The following DAB1 variants were observed in gnomAD, a reference collection of about 807,000 sequenced individuals.
DAB1 encodes the protein disabled homolog 1.
A neutral mutation model predicts 64.6 loss-of-function variants in DAB1; 15 were observed. The ratio of observed to expected loss-of-function variants is 0.23; its 90% confidence interval spans 0.16 to 0.36. The LOEUF is 0.36. Ranked by LOEUF, DAB1 falls within the 10% of genes least tolerant of loss-of-function variation. The pLI is 1.00. For missense variants in DAB1, 596 were observed against 706.7 expected (o/e 0.84, Z 1.78); for synonymous variants, 235 against 251.9 (o/e 0.93, Z 0.64).
At chr1:58,360,631 A>G (rs546839450) in intron 3 of DAB1, among the ~76,000 whole-genome samples, 2 of 152,236 alleles carry the variant, frequency 1.3e-5, no homozygotes, top group Admixed American at 6.5e-5. Flanking sequence ...TTTGTGGAAG[A>G]GGAGTCACTC....
intron 5 of DAB1, among the ~76,000 whole-genome samples, chr1:57,991,864 A>AAAAC (rs200082065): frequency 0.015 from 2,267 of 149,950 alleles, 57 homozygotes; most frequent in Middle Eastern, 0.041. Flanking sequence ...AAAAAAAAAA[A>AAAAC]AAAAAGGAGT....
chr1:58,399,423 C>A (rs1477138303), intron 3 of DAB1, among the ~76,000 whole-genome samples: 2 of 152,206 alleles, frequency 1.3e-5, no homozygotes, highest in African/African-American at 4.8e-5. Context: ...AATTGGCTAT[C>A]AGAGTCAGAT....
chr1:57,006,696 T>A (rs575555409), intron 14 of DAB1, among the ~76,000 whole-genome samples: 1 of 152,228 alleles, frequency 6.6e-6, no homozygotes, highest in South Asian at 2.1e-4. Context: ...TCTGTGTCCA[T>A]AAAATAGGTC....
intron 1 of DAB1, among the ~76,000 whole-genome samples, chr1:57,388,169 A>C (rs1237497281): frequency 6.6e-6 from 1 of 152,178 alleles, no homozygotes; most frequent in Non-Finnish European, 1.5e-5. Context: ...CGCAAATGTG[A>C]TTATTTCTCC....
chr1:58,286,173 G>A (rs1661676396), intron 4 of DAB1, among the ~76,000 whole-genome samples: 1 of 152,138 alleles, frequency 6.6e-6, no homozygotes, highest in Non-Finnish European at 1.5e-5. Flanking sequence ...ACTTGAGATG[G>A]ATTAAATACT....
At chr1:57,933,452 T>G (rs1021034563) in intron 5 of DAB1, among the ~76,000 whole-genome samples, 2 of 152,248 alleles carry the variant, frequency 1.3e-5, no homozygotes, top group Non-Finnish European at 2.9e-5. Context: ...GTTTTACCTT[T>G]TCTAGAACTT....
intron 11 of DAB1, 97 bp from the exon 12 acceptor site, chr1:57,015,528 A>G: frequency 1.8e-6 from 2 of 1,126,928 alleles, no homozygotes; most frequent in Non-Finnish European, 2.5e-6. Flanking sequence ...ATCAAGCACC[A>G]ACTAAGTGCC....
chr1:58,420,308 C>T (rs1490846796), intron 3 of DAB1, among the ~76,000 whole-genome samples: 1 of 152,146 alleles, frequency 6.6e-6, no homozygotes, highest in Non-Finnish European at 1.5e-5. Flanking sequence ...ATTCACAACC[C>T]ACCTCACCAT....
intron 2 of DAB1, among the ~76,000 whole-genome samples, chr1:57,176,379 C>T (rs1460990374): frequency 6.6e-6 from 1 of 151,962 alleles, no homozygotes; most frequent in African/African-American, 2.4e-5. Context: ...TGCAGGGAAA[C>T]CCCCGTTTTT....
intron 3 of DAB1, among the ~76,000 whole-genome samples, chr1:58,376,003 G>A (rs1048194714): frequency 1.6e-4 from 24 of 150,564 alleles, no homozygotes; most frequent in African/African-American, 5.6e-4. Context: ...ATGGTAGTTT[G>A]TATTTCTGTG....
intron 4 of DAB1, among the ~76,000 whole-genome samples, chr1:57,087,458 G>A (rs1389085727): frequency 6.6e-6 from 1 of 152,222 alleles, no homozygotes; most frequent in Admixed American, 6.5e-5. Flanking sequence ...ACAGCAGTGG[G>A]TGCAAATGCC....
intron 3 of DAB1, among the ~76,000 whole-genome samples, chr1:58,460,903 G>A (rs2100311414): frequency 6.6e-6 from 1 of 152,314 alleles, no homozygotes; most frequent in East Asian, 1.9e-4. Flanking sequence ...GCCCCATGGT[G>A]CAGAGGAGCC....
chr1:57,648,418 G>A (rs1288882796), intron 7 of DAB1, among the ~76,000 whole-genome samples: 1 of 152,158 alleles, frequency 6.6e-6, no homozygotes, highest in Non-Finnish European at 1.5e-5. Context: ...AAAATTGACA[G>A]TTGAGGAATC....
At chr1:58,401,062 C>G (rs555519712) in intron 3 of DAB1, among the ~76,000 whole-genome samples, 2 of 152,300 alleles carry the variant, frequency 1.3e-5, no homozygotes, top group East Asian at 3.9e-4. Context: ...TATGCCCTGT[C>G]TGATCCTAAT....
chr1:58,507,542 A>C (rs1354717585), intron 2 of DAB1, among the ~76,000 whole-genome samples: 2 of 152,054 alleles, frequency 1.3e-5, no homozygotes, highest in African/African-American at 4.8e-5. Context: ...AAAAGAATTC[A>C]AGGTACTTTA....
At chr1:58,215,783 T>C (rs1014429501) in intron 4 of DAB1, among the ~76,000 whole-genome samples, 12 of 152,202 alleles carry the variant, frequency 7.9e-5, no homozygotes, top group African/African-American at 2.7e-4. Context: ...TGGTTAAAGA[T>C]GTGAGTTTCA....
chr1:58,069,339 A>G lies in DAB1; in HGVS notation n.387+81172T>C, dbSNP rs187183734. ...AGATTAAGTTTGTCCAAGGCTTCCA[A>G]CCGAGGCACCGTCCTCTAAAACAAC... On this transcript the variant is annotated intron_variant and non_coding_transcript_variant, in intron 5 of 20. Transcript: ENST00000485760. Among the ~76,000 whole-genome samples the G allele has an allele frequency of 7.2e-5, 11 of 152,308 alleles. No homozygotes were observed. In the East Asian group the frequency reaches 1.9e-3, roughly 27 times the overall value.
At chr1:58,430,386 T>C (rs976382413) in intron 3 of DAB1, among the ~76,000 whole-genome samples, 4 of 152,116 alleles carry the variant, frequency 2.6e-5, no homozygotes, top group Non-Finnish European at 5.9e-5. Flanking sequence ...GGAGGATGGG[T>C]TGCATTCAGA....
chr1:57,435,389 G>A (rs914154725), intron 7 of DAB1, among the ~76,000 whole-genome samples: 1 of 152,032 alleles, frequency 6.6e-6, no homozygotes, highest in African/African-American at 2.4e-5. Flanking sequence ...TTAGCTTACT[G>A]TAATAACTTT....
Sources: allele counts gnomAD v4.1 joint callset (sites outside exome capture counted in the v4.1 genomes callset), GRCh38; gene constraint gnomAD v4.1.1; transcripts MANE v1.5; gene names NCBI Gene and HGNC (gene_info 2026-07-23, HGNC 2026-07-21).